Variants in AGAP1 observed in about 807,000 individuals in gnomAD.
The protein encoded by AGAP1 is ArfGAP with GTPase domain, ankyrin repeat and PH domain 1.
Under a neutral mutation model 105.3 loss-of-function variants are expected in AGAP1, and 29 were observed. The observed-to-expected ratio is 0.28, with a 90% CI of 0.21 to 0.38. The LOEUF (loss-of-function observed/expected upper bound fraction) is 0.38. AGAP1 is among the 10% of genes least tolerant of loss of function. The probability of loss-of-function intolerance (pLI) is 1.00; values close to 1 mark genes in which losing one functional copy is unlikely to be tolerated. For missense variants in AGAP1, 998 were observed against 1,165.1 expected, an observed-to-expected ratio of 0.86 and a Z score of 2.09; for synonymous variants, 509 against 485.9, an observed-to-expected ratio of 1.05 and a Z score of -0.63.
At position 235,686,550 on chromosome 2, in the gene AGAP1, T is replaced by TACACAC. The variant is rs530198533; in HGVS notation, c.164-22628_164-22627insCACACA. On this transcript the variant is annotated intron_variant, in intron 1 of 17. Coordinates refer to ENST00000304032, the MANE Select transcript of AGAP1 (RefSeq NM_001037131.3). ...AATTCTGGTTCCCAGGAAGGAGATA[T>TACACAC]ATATATACACACACACACACACACA... 4.9e-3 allele frequency among the ~76,000 whole-genome samples: 438 copies of TACACAC among 90,174 alleles called. 6 individuals are homozygous for TACACAC. Among genetic ancestry groups the TACACAC allele is most frequent in the East Asian group, 0.029 (100 of 3,444 alleles). The allele number at this position is 90,174 out of a possible 152,430, so 59.2% of individuals were successfully genotyped here. A position where few individuals can be genotyped will look rare whatever the true frequency, so the allele number is the denominator to read the frequency against.
Position 236,061,645 on chromosome 2 carries a change from C to G in AGAP1, c.2114+12364C>G, listed in dbSNP as rs368616279. On this transcript the variant is annotated intron_variant, in intron 16 of 17. Transcript: ENST00000304032. The surrounding 1 kb of genome is among the most constrained non-coding windows in gnomAD (Gnocchi z 4.1). ...CATTCCATCTGTCTGATGGCGAAAA[C>G]AGGCACCTCCATAGTAATGCAAAGT... Among the ~76,000 whole-genome samples, 419 of 152,230 alleles carry G rather than the reference C, an allele frequency of 2.8e-3. 4 individuals carry two copies. The highest frequency in any genetic ancestry group is 9.8e-3 in the African/African-American group (409 of 41,536).
intron 6 of AGAP1, among the ~76,000 whole-genome samples, chr2:235,765,784 C>A (rs1347520509): frequency 6.6e-6 from 1 of 152,046 alleles, no homozygotes; most frequent in Non-Finnish European, 1.5e-5. Flanking sequence ...GTGAGTAAAC[C>A]GTAAGAAAAA....
In AGAP1 at chr2:236,101,575, C is replaced by T. The variant is rs564448831; in HGVS notation, c.2115-18617C>T. On this transcript the variant is annotated intron_variant, in intron 16 of 17. Transcript: ENST00000304032. This position sits in a 1 kb window ranked among gnomAD's most constrained non-coding sequence, Gnocchi z 4.9. Reference sequence around the variant, plus strand: ...GTTCCTCTCCCTGGTGTTTAAAGGGCGTCGGTGCACGTACAGCGAGGGCTT... The same window carrying T: ...GTTCCTCTCCCTGGTGTTTAAAGGGTGTCGGTGCACGTACAGCGAGGGCTT... Among the ~76,000 whole-genome samples the T allele has an allele frequency of 6.6e-6, 1 of 152,202 alleles. No individual in the cohort carries two copies. Among genetic ancestry groups the T allele is most frequent in the African/African-American group, 2.4e-5 (1 of 41,450 alleles).
At chr2:235,921,197 C>G (rs1210893386) in intron 11 of AGAP1, among the ~76,000 whole-genome samples, 3 of 151,998 alleles carry the variant, frequency 2.0e-5, no homozygotes, top group African/African-American at 7.3e-5. Context: ...CAAAACTATC[C>G]AGAAGTAGAA....
intron 6 of AGAP1, among the ~76,000 whole-genome samples, chr2:235,783,971 CGGACGGACGGAT>C (rs1042429148): frequency 2.7e-4 from 24 of 89,500 alleles, no homozygotes; most frequent in East Asian, 8.0e-4. Flanking sequence ...AATGGACGGA[CGGACGGACGGAT>C]GGACGGACGG....
intron 16 of AGAP1, chr2:236,049,537 T>G: frequency 2.5e-6 from 1 of 400,070 alleles, no homozygotes; most frequent in East Asian, 4.3e-5. Context: ...TGTATTAAGC[T>G]TCTAACCTTA....
chr2:236,021,792 C>G (rs1055843420), intron 13 of AGAP1, among the ~76,000 whole-genome samples: 7 of 152,040 alleles, frequency 4.6e-5, no homozygotes, highest in Non-Finnish European at 1.0e-4. Flanking sequence ...GACATGGTGA[C>G]TCACACCTCT....
intron 1 of AGAP1, among the ~76,000 whole-genome samples, chr2:235,567,638 A>G (rs1188852077): frequency 6.6e-6 from 1 of 151,788 alleles, no homozygotes; most frequent in Non-Finnish European, 1.5e-5. Flanking sequence ...CCGGTCGCAT[A>G]CTGTGGGACT....
chr2:235,619,956 C>T (rs1184408607), intron 1 of AGAP1, among the ~76,000 whole-genome samples: 2 of 152,130 alleles, frequency 1.3e-5, no homozygotes, highest in African/African-American at 4.8e-5. Context: ...CGATCCCGGG[C>T]CAGTTGTTCT....
At chr2:235,914,261 C>A (rs536135699) in intron 11 of AGAP1, among the ~76,000 whole-genome samples, 147 of 152,306 alleles carry the variant, frequency 9.7e-4, no homozygotes, top group African/African-American at 3.2e-3. Flanking sequence ...TTTACTGATA[C>A]AGAGACTGGA....
chr2:235,816,315 G>A (rs1319736524), intron 9 of AGAP1, among the ~76,000 whole-genome samples: 1 of 151,888 alleles, frequency 6.6e-6, no homozygotes, highest in Non-Finnish European at 1.5e-5. Context: ...GCGGGTGCCT[G>A]TAGTCCCAGC....
chr2:235,706,888 T>C (rs1950561798), intron 1 of AGAP1, among the ~76,000 whole-genome samples: 1 of 152,072 alleles, frequency 6.6e-6, no homozygotes, highest in African/African-American at 2.4e-5. Context: ...TCTGCAAGAG[T>C]AGTCGATAAC....
chr2:235,620,548 T>C lies in AGAP1; in HGVS notation c.164-88631T>C, dbSNP rs535198902. 6.6e-6 allele frequency among the ~76,000 whole-genome samples: 1 copy of C among 152,282 alleles called. No homozygotes were observed. Among genetic ancestry groups the C allele is most frequent in the Non-Finnish European group, 1.5e-5 (1 of 68,008 alleles). On this transcript the variant is annotated intron_variant, in intron 1 of 17. Transcript: ENST00000304032. This position sits in a 1 kb window ranked among gnomAD's most constrained non-coding sequence, Gnocchi z 4.5. ...GGGCCCTTGCAGCTTGGCCCTCGCA[T>C]CCTTCAGCCTCACCTCCAGTGTCAT...
At chr2:235,839,407 T>A (rs949209100) in intron 9 of AGAP1, among the ~76,000 whole-genome samples, 5 of 152,120 alleles carry the variant, frequency 3.3e-5, no homozygotes, top group African/African-American at 1.2e-4. Flanking sequence ...TTCTCTAGTG[T>A]TTCCCATTTA....
intron 12 of AGAP1, among the ~76,000 whole-genome samples, chr2:235,947,862 T>C (rs2053565378): frequency 6.6e-6 from 1 of 152,266 alleles, no homozygotes; most frequent in Non-Finnish European, 1.5e-5. Context: ...GCTGAAGTTC[T>C]CTGAGGTGGT....
intron 15 of AGAP1, among the ~76,000 whole-genome samples, chr2:236,047,021 C>T (rs367745241): frequency 1.3e-5 from 2 of 152,064 alleles, no homozygotes; most frequent in Admixed American, 6.5e-5. Flanking sequence ...CCCAGCTACT[C>T]GAGAAGCTGA....
At chr2:236,102,468 A>G (rs1318727782) in intron 16 of AGAP1, among the ~76,000 whole-genome samples, 2 of 150,594 alleles carry the variant, frequency 1.3e-5, no homozygotes, top group African/African-American at 2.4e-5. Context: ...CATGCCTGTA[A>G]TCCCAGCTAC....
At position 236,058,004 on chromosome 2, in the gene AGAP1, G is replaced by T. The variant is rs2058094669; in HGVS notation, c.2114+8723G>T. ...AGAAGATGTGGCCCATGTTTATTTTGCTTTGTATGTATATAATGGTTTATT... is the reference window on the plus strand; with the variant it reads ...AGAAGATGTGGCCCATGTTTATTTTTCTTTGTATGTATATAATGGTTTATT... On this transcript the variant is annotated intron_variant, in intron 16 of 17. Transcript: ENST00000304032. This position sits in a 1 kb window ranked among gnomAD's most constrained non-coding sequence, Gnocchi z 4.6. Among the ~76,000 whole-genome samples the T allele has an allele frequency of 6.6e-6, 1 of 152,038 alleles. No individual in the cohort carries two copies. The highest frequency in any genetic ancestry group is 2.1e-4 in the South Asian group (1 of 4,802).
chr2:235,942,221 C>A (rs913223892), intron 12 of AGAP1, among the ~76,000 whole-genome samples: 1 of 152,162 alleles, frequency 6.6e-6, no homozygotes, highest in African/African-American at 2.4e-5. Context: ...AGAGTGGGCT[C>A]ACTGCAGACA....
Sources: gnomAD v4.1 joint callset for allele counts (sites outside exome capture counted in the v4.1 genomes callset) on GRCh38, gnomAD v4.1.1 for gene constraint, Gnocchi (gnomAD v3.1) non-coding constraint, MANE v1.5 for transcripts, NCBI Gene and HGNC (gene_info 2026-07-23, HGNC 2026-07-21) for gene names.